The following CEP128 variants were observed in gnomAD, a reference collection of about 807,000 sequenced individuals.
CEP128 encodes the protein centrosomal protein 128kDa.
In CEP128, 132 loss-of-function variants were observed where a neutral mutation model predicts 156.7. The observed-to-expected ratio is 0.84, with a 90% CI of 0.73 to 0.97. The LOEUF is 0.97. Among genes scored for constraint, CEP128 ranks in the 50% least tolerant of loss-of-function variants. The probability of loss-of-function intolerance (pLI) is 0.00; values close to 1 mark genes in which losing one functional copy is unlikely to be tolerated. For synonymous variants in CEP128, 469 were observed against 448.9 expected, an observed-to-expected ratio of 1.04 and a Z score of -0.57; for missense variants, 1,252 against 1,281.9, an observed-to-expected ratio of 0.98 and a Z score of 0.36.
At chr14:80,629,516 T>TA (rs11387583) in intron 19 of CEP128, among the ~76,000 whole-genome samples, 8 of 108,160 alleles carry the variant, frequency 7.4e-5, no homozygotes, top group African/African-American at 4.4e-4. Context: ...CAGTAATATA[T>TA]TTTTTTTTTC....
At chr14:80,572,753 C>G (rs564728483) in intron 20 of CEP128, among the ~76,000 whole-genome samples, 1 of 152,192 alleles carries the variant, frequency 6.6e-6, no homozygotes, top group Non-Finnish European at 1.5e-5. Flanking sequence ...GCCCCAATGC[C>G]CATGGAGCTC....
At chr14:80,629,329 T>C (rs919621339) in intron 19 of CEP128, among the ~76,000 whole-genome samples, 1 of 152,176 alleles carries the variant, frequency 6.6e-6, no homozygotes, top group East Asian at 1.9e-4. Flanking sequence ...TAGTGAAGAT[T>C]AACAGTGTGT....
intron 4 of CEP128, among the ~76,000 whole-genome samples, chr14:80,913,724 C>T (rs897109547): frequency 3.3e-5 from 5 of 151,106 alleles, no homozygotes; most frequent in Admixed American, 6.6e-5. Flanking sequence ...TCAGAAGGGA[C>T]GCAAAGGTAT....
chr14:80,776,687 T>C (rs796385366), intron 16 of CEP128, among the ~76,000 whole-genome samples: 12 of 151,994 alleles, frequency 7.9e-5, no homozygotes, highest in Admixed American at 7.2e-4. Flanking sequence ...CCTTTCATCA[T>C]AGATTTAAGT....
intron 8 of CEP128, chr14:80,894,453 C>CT: frequency 2.8e-6 from 1 of 352,390 alleles, no homozygotes; most frequent in Non-Finnish European, 5.4e-6. Flanking sequence ...CAGAAAAGTC[C>CT]TTTTTTTGAA....
intron 19 of CEP128, among the ~76,000 whole-genome samples, chr14:80,676,914 A>G (rs35114098): frequency 6.6e-6 from 1 of 152,062 alleles, no homozygotes; most frequent in Non-Finnish European, 1.5e-5. Flanking sequence ...AATATTAGAT[A>G]TTTACATTTA....
At chr14:80,545,207 A>G (rs1014964910) in intron 21 of CEP128, among the ~76,000 whole-genome samples, 2 of 152,180 alleles carry the variant, frequency 1.3e-5, no homozygotes, top group Admixed American at 1.3e-4. Context: ...CAGTGCCTAT[A>G]AGAAGGAACC....
chr14:80,658,599 T>C (rs1363565825), intron 19 of CEP128, among the ~76,000 whole-genome samples: 4 of 152,180 alleles, frequency 2.6e-5, no homozygotes, highest in Non-Finnish European at 5.9e-5. Context: ...GTAATCAATG[T>C]TGAGATGCCA....
intron 21 of CEP128, among the ~76,000 whole-genome samples, chr14:80,540,471 G>A (rs1056616409): frequency 1.1e-4 from 17 of 152,216 alleles, no homozygotes; most frequent in Non-Finnish European, 2.2e-4. Context: ...AATGAATAGT[G>A]AAGAGCCTGG....
intron 21 of CEP128, among the ~76,000 whole-genome samples, chr14:80,535,778 T>C (rs1417922603): frequency 3.3e-5 from 5 of 152,198 alleles, no homozygotes; most frequent in African/African-American, 4.8e-5. Context: ...TTCAAATAAA[T>C]GTTGGCTGAA....
intron 16 of CEP128, among the ~76,000 whole-genome samples, chr14:80,768,034 A>G (rs899232768): frequency 3.3e-5 from 5 of 152,182 alleles, no homozygotes; most frequent in African/African-American, 9.6e-5. Flanking sequence ...TTGCTAAAAC[A>G]TAAATAAGCT....
At chr14:80,651,295 G>A (rs112478243) in intron 19 of CEP128, among the ~76,000 whole-genome samples, 3,516 of 151,778 alleles carry the variant, frequency 0.023, 144 homozygotes, top group African/African-American at 0.078. Flanking sequence ...CATCTATATG[G>A]TTCTTCTCTC....
At chr14:80,783,016 A>G (rs1901208884) in intron 15 of CEP128, among the ~76,000 whole-genome samples, 1 of 151,960 alleles carries the variant, frequency 6.6e-6, no homozygotes, top group Non-Finnish European at 1.5e-5. Context: ...ATGAACTACC[A>G]CCCAAGAGTT....
Position 80,935,146 on chromosome 14 carries a change from A to G in CEP128, c.-16+4239T>C, listed in dbSNP as rs115481515. ...ACTTTTTAATCAGTACACTTGTTAC[A>G]TGTAAATGGCAGTGGTGAGAAAGCA... On this transcript the variant is annotated intron_variant, in intron 2 of 24. Coordinates refer to ENST00000555265, the MANE Select transcript of CEP128 (RefSeq NM_152446.5). Among the ~76,000 whole-genome samples, 1,232 of 152,330 alleles carry G rather than the reference A, an allele frequency of 8.1e-3. 21 individuals carry two copies. The highest frequency in any genetic ancestry group is 0.028 in the African/African-American group (1,174 of 41,566).
At chr14:80,634,909 A>G (rs1031193690) in intron 19 of CEP128, among the ~76,000 whole-genome samples, 9 of 152,190 alleles carry the variant, frequency 5.9e-5, no homozygotes, top group Non-Finnish European at 8.8e-5. Context: ...TCTCTTTCAG[A>G]TAAGAACCAC....
chr14:80,557,937 T>G (rs541128462), intron 21 of CEP128, among the ~76,000 whole-genome samples: 180 of 152,308 alleles, frequency 1.2e-3, no homozygotes, highest in African/African-American at 4.3e-3. Flanking sequence ...TTTAATATTT[T>G]TATCACTCTT....
At chr14:80,951,883 G>C (rs1383773843) in intron 2 of CEP128, among the ~76,000 whole-genome samples, 1 of 151,918 alleles carries the variant, frequency 6.6e-6, no homozygotes, top group South Asian at 2.1e-4. Flanking sequence ...GAAGAGCAAA[G>C]GATATCACAA....
chr14:80,796,162 G>A (rs945940531), intron 13 of CEP128, among the ~76,000 whole-genome samples: 1 of 152,012 alleles, frequency 6.6e-6, no homozygotes, highest in East Asian at 1.9e-4. Context: ...CTCTCATCAA[G>A]ATCCCCAAAG....
At chr14:80,719,973 T>C (rs1282036328) in intron 19 of CEP128, among the ~76,000 whole-genome samples, 1 of 152,096 alleles carries the variant, frequency 6.6e-6, no homozygotes, top group Non-Finnish European at 1.5e-5. Flanking sequence ...AGTAAATTAA[T>C]AGGTTGCAAA....
Sources: gnomAD v4.1 joint callset for allele counts (sites outside exome capture counted in the v4.1 genomes callset) on GRCh38, gnomAD v4.1.1 for gene constraint, MANE v1.5 for transcripts, NCBI Gene and HGNC (gene_info 2026-07-23, HGNC 2026-07-21) for gene names.